Variants in LRRC40 observed in about 807,000 individuals in gnomAD.
LRRC40 encodes the protein leucine rich repeat containing 40, also known as leucine-rich repeat-containing protein 40.
LRRC40 carries 76 observed loss-of-function variants against 72.8 expected under a neutral mutation model. The ratio of observed to expected loss-of-function variants is 1.04; its 90% CI spans 0.87 to 1.26. LRRC40 has a LOEUF of 1.26. Among genes scored for constraint, LRRC40 ranks in the 50% most tolerant of loss-of-function variants. The pLI, the probability that LRRC40 is intolerant of heterozygous loss-of-function variation, is 0.00. For missense variants in LRRC40, 684 were observed against 698.9 expected (o/e 0.98, Z 0.24); for synonymous variants, 243 against 254.2 (o/e 0.96, Z 0.42).
chr1:70,148,721 A>C, intron 13 of LRRC40, 49 bp from the exon 14 acceptor site: 1 of 1,121,286 alleles, frequency 8.9e-7, no homozygotes, highest in Non-Finnish European at 1.3e-6. Context: ...TCAGACCAAA[A>C]TCATTCCTTA....
chr1:70,185,526 A>C (rs1386585935), intron 3 of LRRC40, among the ~76,000 whole-genome samples: 2 of 152,166 alleles, frequency 1.3e-5, no homozygotes, highest in African/African-American at 4.8e-5. Flanking sequence ...AGCCATGTGG[A>C]ACTGTAAGTC....
At chr1:70,176,088 T>C (rs1304302097) in intron 6 of LRRC40, 106 bp from the exon 7 acceptor site, 4 of 581,738 alleles carry the variant, frequency 6.9e-6, no homozygotes, top group Non-Finnish European at 1.1e-5. Flanking sequence ...GAAAAACACA[T>C]AGAAAAAATG....
intron 12 of LRRC40, chr1:70,151,778 A>T (rs1262999880): frequency 6.6e-6 from 1 of 152,010 alleles, no homozygotes; most frequent in Non-Finnish European, 1.5e-5. Context: ...AATAAACAAA[A>T]TCTCATTTAC....
rs1326771987 is a variant in LRRC40 at position 70,189,155 on chromosome 1, T to C, written c.270A>G (p.Ser90=). The C allele has an allele frequency of 6.2e-7, 1 of 1,613,826 alleles. No homozygotes were observed. The highest frequency in any genetic ancestry group is 1.7e-5 in the Admixed American group (1 of 59,982). Reference sequence around the variant, plus strand: ...CTGTAAGTGACTGAAGTTTATTGTTTGATATTATTAGTTTGGTCAAATCTG... The same window carrying C: ...CTGTAAGTGACTGAAGTTTATTGTTCGATATTATTAGTTTGGTCAAATCTG... The part of the protein sequence containing the change: ...EQTDLTKLII[S]NNKLQSLTDD... Residue 90 remains serine, a synonymous_variant, in exon 2 of 15, where the codon TCA becomes TCG. Coordinates refer to ENST00000370952, the MANE Select transcript of LRRC40 (RefSeq NM_017768.5).
At chr1:70,152,686 A>G (rs2100232257) in intron 11 of LRRC40, 143 bp from the exon 12 acceptor site, 1 of 626,978 alleles carries the variant, frequency 1.6e-6, no homozygotes, top group East Asian at 2.8e-5. Flanking sequence ...TCACAGGAAC[A>G]TTAATGAGTT....
In LRRC40 at chr1:70,205,511, C is replaced by T; in HGVS notation, c.30G>A (p.Gln10=). 4 of 1,601,420 alleles carry T rather than the reference C, an allele frequency of 2.5e-6. No homozygotes were observed. The highest frequency in any genetic ancestry group is 3.4e-6 in the Non-Finnish European group (4 of 1,170,062). The change falls in exon 1 of 15, where the codon CAG becomes CAA. Residue 10 remains glutamine (Q), a synonymous_variant. Coordinates refer to ENST00000370952, the MANE Select transcript of LRRC40 (RefSeq NM_017768.5). ...CTGCTTTGAAACCAGCGCGGAGATCCTGCCCCGCTATCCGCTTCAGGCGCG... is the reference window on the plus strand; with the variant it reads ...CTGCTTTGAAACCAGCGCGGAGATCTTGCCCCGCTATCCGCTTCAGGCGCG... MSRLKRIAG[Q]DLRAGFKAGG... is the part of the protein sequence containing the mutation.
intron 1 of LRRC40, among the ~76,000 whole-genome samples, chr1:70,190,230 A>C (rs972903648): frequency 4.6e-5 from 7 of 152,220 alleles, no homozygotes; most frequent in Non-Finnish European, 8.8e-5. Flanking sequence ...TTGCTGCCAC[A>C]GATTATCATT....
chr1:70,184,758 T>C (rs1415258871), intron 4 of LRRC40, 27 bp downstream of exon 4: 2 of 1,580,956 alleles, frequency 1.3e-6, no homozygotes, highest in East Asian at 2.3e-5. Context: ...CCCCAAATTG[T>C]ACAAAAATTG....
At chr1:70,187,399 T>C in intron 2 of LRRC40, 61 bp from the exon 3 acceptor site, 1 of 807,750 alleles carries the variant, frequency 1.2e-6, no homozygotes, top group Admixed American at 2.3e-5. Flanking sequence ...ATATATAAGC[T>C]TTGCCAGTGT....
At chr1:70,153,000 T>G (rs1667543673) in intron 11 of LRRC40, among the ~76,000 whole-genome samples, 1 of 152,196 alleles carries the variant, frequency 6.6e-6, no homozygotes, top group African/African-American at 2.4e-5. Flanking sequence ...GAGGAAGAAT[T>G]AAACATTTCT....
intron 9 of LRRC40, among the ~76,000 whole-genome samples, chr1:70,162,504 C>T (rs1355692963): frequency 6.6e-6 from 1 of 152,138 alleles, no homozygotes; most frequent in Non-Finnish European, 1.5e-5. Context: ...TTCACCAAGC[C>T]CTCCAGGTGA....
At chr1:70,192,277 G>T (rs892675501) in intron 1 of LRRC40, among the ~76,000 whole-genome samples, 1 of 151,956 alleles carries the variant, frequency 6.6e-6, no homozygotes, top group Non-Finnish European at 1.5e-5. Flanking sequence ...CTTGGCTGTT[G>T]TTGGTTTATA....
At chr1:70,171,323 C>CA (rs1004303642) in intron 9 of LRRC40, among the ~76,000 whole-genome samples, 106 of 140,928 alleles carry the variant, frequency 7.5e-4, no homozygotes, top group South Asian at 3.6e-3. Flanking sequence ...AAAAAATGAA[C>CA]AAAAAAAAAA....
At chr1:70,178,572 T>G (rs1026447639) in intron 6 of LRRC40, among the ~76,000 whole-genome samples, 3 of 152,196 alleles carry the variant, frequency 2.0e-5, no homozygotes, top group Non-Finnish European at 4.4e-5. Context: ...CTTACAATTT[T>G]AGCCTCTTTA....
intron 11 of LRRC40, among the ~76,000 whole-genome samples, chr1:70,155,293 T>C (rs1571439890): frequency 6.6e-6 from 1 of 152,044 alleles, no homozygotes; most frequent in Non-Finnish European, 1.5e-5. Flanking sequence ...AAGCCCCAAA[T>C]GGAAATTCCT....
At chr1:70,167,925 T>C (rs1203754967) in intron 9 of LRRC40, among the ~76,000 whole-genome samples, 3 of 152,164 alleles carry the variant, frequency 2.0e-5, no homozygotes, top group African/African-American at 7.2e-5. Context: ...TTGGAAATGA[T>C]TCTAATAGCA....
chr1:70,173,595 A>G (rs1325235372), intron 8 of LRRC40, 27 bp downstream of exon 8: 9 of 1,508,260 alleles, frequency 6.0e-6, no homozygotes, highest in Admixed American at 3.5e-5. Context: ...TCAATTTAAC[A>G]AAGAGCTGAA....
intron 2 of LRRC40, 85 bp downstream of exon 2, chr1:70,189,007 A>G: frequency 1.7e-6 from 2 of 1,184,144 alleles, no homozygotes; most frequent in South Asian, 1.5e-5. Context: ...CCAACTCAAC[A>G]TGAAAGGTTT....
chr1:70,160,904 C>T (rs1489527173), intron 9 of LRRC40, among the ~76,000 whole-genome samples: 4 of 150,000 alleles, frequency 2.7e-5, no homozygotes, highest in South Asian at 2.1e-4. Context: ...GTGCCAAACA[C>T]AATAAATAAA....
Sources: allele counts gnomAD v4.1 joint callset (sites outside exome capture counted in the v4.1 genomes callset), GRCh38; gene constraint gnomAD v4.1.1; transcripts MANE v1.5; gene names NCBI Gene and HGNC (gene_info 2026-07-23, HGNC 2026-07-21).